GPHN: variants seen among roughly 807,000 people sequenced by gnomAD.
GPHN encodes the protein gephyrin.
GPHN carries 17 observed loss-of-function variants against 95.5 expected under a neutral mutation model. The observed-to-expected ratio is 0.18, with a 90% CI of 0.12 to 0.27. GPHN has a LOEUF of 0.27. GPHN is among the 10% of genes least tolerant of loss of function. The probability of loss-of-function intolerance (pLI) is 1.00; values close to 1 mark genes in which losing one functional copy is unlikely to be tolerated. For missense variants in GPHN, 660 were observed against 978.1 expected (o/e 0.67, Z 4.34); for synonymous variants, 320 against 322.5 (o/e 0.99, Z 0.08).
chr14:67,212,625 T>TTATATATAA, the GPHN span, among the ~76,000 whole-genome samples: 1 of 145,126 alleles, frequency 6.9e-6, no homozygotes, highest in East Asian at 2.0e-4. Context: ...GTAATATATA[T>TTATATATAA]TATATATAAT....
intron 4 of GPHN, among the ~76,000 whole-genome samples, chr14:66,869,876 A>C (rs1421513311): frequency 6.6e-6 from 1 of 152,214 alleles, no homozygotes; most frequent in Non-Finnish European, 1.5e-5. Context: ...ATTTTATTCT[A>C]ATTCACATAG....
At chr14:66,971,399 T>C (rs117159703) in intron 9 of GPHN, among the ~76,000 whole-genome samples, 1,831 of 152,332 alleles carry the variant, frequency 0.012, 19 homozygotes, top group Non-Finnish European at 0.018. Context: ...AATAAGTATA[T>C]TTTCCACAAC....
At chr14:66,774,127 C>T (rs749843914) in intron 2 of GPHN, among the ~76,000 whole-genome samples, 4 of 151,048 alleles carry the variant, frequency 2.6e-5, no homozygotes, top group African/African-American at 9.8e-5. Context: ...CTCAGCCTCC[C>T]GAGTAGCTGG....
intron 4 of GPHN, among the ~76,000 whole-genome samples, chr14:66,847,496 CG>C (rs2062385613): frequency 6.6e-6 from 1 of 151,954 alleles, no homozygotes; most frequent in African/African-American, 2.4e-5. Flanking sequence ...AGTGCTATAA[CG>C]TGTTTCCTTT....
chr14:67,040,168 A>G (rs1179068291), intron 10 of GPHN, among the ~76,000 whole-genome samples: 2 of 152,168 alleles, frequency 1.3e-5, no homozygotes, highest in African/African-American at 4.8e-5. Context: ...GTGATTTTTG[A>G]AATTTTGAAA....
the GPHN span, among the ~76,000 whole-genome samples, chr14:67,626,317 G>T: frequency 6.6e-6 from 1 of 152,014 alleles, no homozygotes; most frequent in Non-Finnish European, 1.5e-5. Flanking sequence ...GGATGGCTAT[G>T]ATAAAAAAGA....
chr14:66,924,585 A>G (rs1013818067), intron 8 of GPHN, among the ~76,000 whole-genome samples: 5 of 152,310 alleles, frequency 3.3e-5, no homozygotes, highest in South Asian at 2.1e-4. Context: ...TGTCTTACCA[A>G]TTTCATCAGA....
chr14:66,516,036 TCACTCTGTCGCC>T (rs775559207), intron 1 of GPHN, among the ~76,000 whole-genome samples: 29 of 151,548 alleles, frequency 1.9e-4, no homozygotes, highest in Non-Finnish European at 4.3e-4. Flanking sequence ...TGAGACGGAC[TCACTCTGTCGCC>T]CAGGCTGGAA....
chr14:67,248,532 A>G, the GPHN span, among the ~76,000 whole-genome samples: 1 of 152,200 alleles, frequency 6.6e-6, no homozygotes, highest in South Asian at 2.1e-4. Flanking sequence ...TCTGTCTCAT[A>G]TAATTTTATA....
intron 17 of GPHN, among the ~76,000 whole-genome samples, chr14:67,127,691 C>T (rs2079416592): frequency 6.6e-6 from 1 of 152,074 alleles, no homozygotes; most frequent in South Asian, 2.1e-4. Flanking sequence ...GAATTTTAAG[C>T]CAAAGGCTAT....
At chr14:67,660,253 C>A in the GPHN span, 17 of 171,342 alleles carry the variant, frequency 9.9e-5, no homozygotes, top group Non-Finnish European at 2.0e-4. Flanking sequence ...TGCTCCATTT[C>A]ATATATAAGA....
At chr14:66,819,647 G>T (rs1420556694) in intron 3 of GPHN, among the ~76,000 whole-genome samples, 1 of 151,170 alleles carries the variant, frequency 6.6e-6, no homozygotes, top group Admixed American at 6.6e-5. Flanking sequence ...TTGTTTTTTT[G>T]CTTAGGACCA....
At position 67,180,977 on chromosome 14, in the gene GPHN, A is replaced by G; in HGVS notation, c.*40A>G. ...AGAAAGCTTTGATGCATGTCCACAT[A>G]TCATTGACTGTATCCTGTAATATGC... is the stretch of plus-strand genomic sequence containing the variant. On this transcript the variant is annotated 3_prime_UTR_variant, in exon 23 of 23. Coordinates refer to ENST00000478722, the MANE Select transcript of GPHN (RefSeq NM_020806.5). 6.2e-7 allele frequency: 1 copy of G among 1,606,200 alleles called. No individual in the cohort carries two copies. The highest frequency in any genetic ancestry group is 8.5e-7 in the Non-Finnish European group (1 of 1,172,978).
chr14:67,382,607 C>G, the GPHN span: 6 of 1,613,448 alleles, frequency 3.7e-6, no homozygotes, highest in Non-Finnish European at 5.1e-6. Context: ...TCAATAGATT[C>G]ATTTTTAATA....
At chr14:67,562,528 C>T in the GPHN span, 1 of 1,609,424 alleles carries the variant, frequency 6.2e-7, no homozygotes, top group Non-Finnish European at 8.5e-7. Flanking sequence ...GGACAAAGAC[C>T]TCTGCCAGGG....
chr14:67,440,856 C>T, the GPHN span, among the ~76,000 whole-genome samples: 1 of 152,096 alleles, frequency 6.6e-6, no homozygotes, highest in African/African-American at 2.4e-5. Context: ...CTAAGGCCTA[C>T]TTCCTCCATC....
At chr14:67,239,260 T>C in the GPHN span, among the ~76,000 whole-genome samples, 1 of 152,276 alleles carries the variant, frequency 6.6e-6, no homozygotes, top group South Asian at 2.1e-4. Flanking sequence ...AGAGGTCCTT[T>C]CTTTGAACAG....
chr14:67,634,387 G>A, the GPHN span, among the ~76,000 whole-genome samples: 1 of 148,498 alleles, frequency 6.7e-6, no homozygotes, highest in African/African-American at 2.5e-5. Context: ...AAGCCCAGGA[G>A]TTCAAGACCA....
chr14:67,647,936 C>T, the GPHN span: 1 of 1,059,106 alleles, frequency 9.4e-7, no homozygotes, highest in Non-Finnish European at 1.4e-6. Flanking sequence ...TAACAAAGTA[C>T]TAGGACTAAT....
Sources: gnomAD v4.1 joint callset for allele counts (sites outside exome capture counted in the v4.1 genomes callset) on GRCh38, gnomAD v4.1.1 for gene constraint, MANE v1.5 for transcripts, NCBI Gene and HGNC (gene_info 2026-07-23, HGNC 2026-07-21) for gene names.